The following MSL1 variants were observed in gnomAD, a reference collection of about 807,000 sequenced individuals.
The protein encoded by MSL1 is MSL complex subunit 1, also known as male-specific lethal 1 homolog.
In MSL1, 21 loss-of-function variants were observed where a neutral mutation model predicts 64.6. That is an observed-to-expected ratio of 0.33 (90% CI 0.23 to 0.47). The LOEUF (loss-of-function observed/expected upper bound fraction) is 0.47. Ranked by LOEUF, MSL1 falls within the 20% of genes least tolerant of loss-of-function variation. The pLI, the probability that MSL1 is intolerant of heterozygous loss-of-function variation, is 1.00. For synonymous variants in MSL1, 339 were observed against 329.6 expected, an observed-to-expected ratio of 1.03 and a Z score of -0.31; for missense variants, 664 against 793.2, an observed-to-expected ratio of 0.84 and a Z score of 1.96.
chr17:40,123,725 C>A (rs1418988610), intron 1 of MSL1, among the ~76,000 whole-genome samples: 2 of 151,996 alleles, frequency 1.3e-5, no homozygotes, highest in African/African-American at 4.8e-5. Context: ...GTGTTGTGTC[C>A]TTATGGAAGG....
At chr17:40,123,770 G>A (rs1333578583) in intron 1 of MSL1, among the ~76,000 whole-genome samples, 1 of 152,214 alleles carries the variant, frequency 6.6e-6, no homozygotes, top group Non-Finnish European at 1.5e-5. Context: ...AGAAATGCAC[G>A]GTGGAGGAGA....
At chr17:40,129,159 C>G (rs1396154482) in intron 2 of MSL1, 86 bp from the exon 3 acceptor site, 2 of 1,190,534 alleles carry the variant, frequency 1.7e-6, no homozygotes, top group African/African-American at 3.1e-5. Flanking sequence ...AAAGAACCAG[C>G]TTATTCTTTT....
chr17:40,123,593 G>T (rs1358672143), intron 1 of MSL1, among the ~76,000 whole-genome samples: 3 of 152,070 alleles, frequency 2.0e-5, no homozygotes, highest in African/African-American at 4.8e-5. Flanking sequence ...CTCAGGGGGA[G>T]GGGGAGGGGT....
At chr17:40,125,617 C>T (rs963080523) in intron 1 of MSL1, among the ~76,000 whole-genome samples, 1 of 152,124 alleles carries the variant, frequency 6.6e-6, no homozygotes, top group African/African-American at 2.4e-5. Context: ...TAGAGACCAT[C>T]CTGGCCAACA....
chr17:40,126,911 T>A (rs963134170), intron 2 of MSL1: 5 of 155,306 alleles, frequency 3.2e-5, no homozygotes, highest in African/African-American at 1.2e-4. Context: ...GTAATAATTA[T>A]TGAATGCAGC....
Position 40,129,443 on chromosome 17 carries a change from A to T in MSL1, c.1191A>T (p.Pro397=). Residue 397 remains proline, a synonymous_variant, in exon 3 of 9, where the codon CCA becomes CCT. Coordinates refer to ENST00000398532, the MANE Select transcript of MSL1 (RefSeq NM_001365919.1). ...AGCCCCGGTCTTCAGTGGACACCCC[A>T]CCAAGACTCTCCACTCCCCAAAAGG... ...PEKPRSSVDT[P]PRLSTPQKGP... is the part of the protein sequence containing the mutation. 1.2e-6 allele frequency: 2 copies of T among 1,613,656 alleles called. No homozygotes were observed. Among genetic ancestry groups the T allele is most frequent in the Non-Finnish European group, 1.7e-6 (2 of 1,179,812 alleles).
chr17:40,125,213 C>T (rs1399477674), intron 1 of MSL1, among the ~76,000 whole-genome samples: 1 of 152,078 alleles, frequency 6.6e-6, no homozygotes, highest in Non-Finnish European at 1.5e-5. Flanking sequence ...ACTAAAGGAA[C>T]TTTGATTTTA....
chr17:40,124,393 C>T (rs1438755838), intron 1 of MSL1, among the ~76,000 whole-genome samples: 1 of 151,980 alleles, frequency 6.6e-6, no homozygotes. Flanking sequence ...CTCCCTCCCT[C>T]CCCGCCGTCC....
rs746584610 is a variant in MSL1, at chr17:40,132,022, CTT to C, written c.1424-5_1424-4del. On this transcript the variant is annotated splice_polypyrimidine_tract_variant and intron_variant, in intron 4 of 8. Transcript: ENST00000398532. ...CCCTCCTCCCTTTCTTTTTCTCTCT[CTT>C]TTTTTTCAGTTCCTTCTTGGAGGGA... The C allele has an allele frequency of 7.2e-5, 113 of 1,572,154 alleles. No homozygotes were observed. The highest frequency in any genetic ancestry group is 2.0e-4 in the Admixed American group (11 of 54,484).
chr17:40,131,912 T>TCACTTGGTA lies in MSL1; in HGVS notation c.1424-121_1424-113dup. On this transcript the variant is annotated intron_variant, in intron 4 of 8. Transcript: ENST00000398532. This position sits in a 1 kb window ranked among gnomAD's most constrained non-coding sequence, Gnocchi z 4.5. ...AGGGAGGCCATAGAATGGATTCCTA[T>TCACTTGGTA]CACTTGGTAACTTTGTCTCTTCTGG... 1.4e-6 allele frequency: 1 copy of TCACTTGGTA among 713,542 alleles called. No individual in the cohort carries two copies. Among genetic ancestry groups the TCACTTGGTA allele is most frequent in the Non-Finnish European group, 2.4e-6 (1 of 422,168 alleles). The allele number at this position is 713,542 out of a possible 1,614,324, so 44.2% of individuals were successfully genotyped here.
At position 40,127,320 on chromosome 17, in the gene MSL1, G is replaced by A. The variant is rs529797681; in HGVS notation, c.992+914G>A. Among the ~76,000 whole-genome samples the A allele has an allele frequency of 3.4e-5, 5 of 145,902 alleles. No homozygotes were observed. The East Asian group carries it at 1.0e-3, about 29-fold the overall frequency. On this transcript the variant is annotated intron_variant, in intron 2 of 8. Coordinates refer to ENST00000398532, the MANE Select transcript of MSL1 (RefSeq NM_001365919.1). The stretch of plus-strand genomic sequence containing the variant: ...ACTGCACTCCAGCCTGGGTGACGGA[G>A]TGATACCCTGTCTCAATTGAAAAAA...
chr17:40,126,974 T>C (rs950457283), intron 2 of MSL1: 3 of 153,074 alleles, frequency 2.0e-5, no homozygotes, highest in African/African-American at 7.2e-5. Context: ...TTCTTAAAAC[T>C]ATAGCAGTTC....
rs146286484 is a variant in MSL1, at chr17:40,136,021, A to G, written c.*1652A>G. The G allele has an allele frequency of 9.8e-5, 15 of 152,352 alleles. No homozygotes were observed. The East Asian group carries it at 2.8e-3, about 29-fold the overall frequency. The allele number at this position is 152,352 out of a possible 1,614,324, so 9.4% of individuals were successfully genotyped here. A position where few individuals can be genotyped will look rare whatever the true frequency, so the allele number is the denominator to read the frequency against. On this transcript the variant is annotated 3_prime_UTR_variant, in exon 9 of 9. Transcript: ENST00000398532. The stretch of plus-strand genomic sequence containing the variant: ...CACCTTAAGGAGGAGATTTCTAGAA[A>G]AACTGGGCCAGATTTTCTTTGTTCT...
intron 1 of MSL1, among the ~76,000 whole-genome samples, chr17:40,123,943 G>A (rs937935233): frequency 3.3e-5 from 5 of 152,156 alleles, no homozygotes; most frequent in Non-Finnish European, 5.9e-5. Flanking sequence ...ATTTCAGACA[G>A]CTTTTAATAG....
chr17:40,123,611 G>T (rs1301864068), intron 1 of MSL1, among the ~76,000 whole-genome samples: 1 of 152,112 alleles, frequency 6.6e-6, no homozygotes, highest in East Asian at 1.9e-4. Context: ...GGTTTCAGGT[G>T]CCAAAGGGTT....
rs1424096032 is a variant in MSL1 at position 40,133,852 on chromosome 17, C to A, written c.1707C>A (p.Phe569Leu). 3 of 1,613,870 alleles carry A rather than the reference C, an allele frequency of 1.9e-6. No homozygotes were observed. In the Admixed American group the frequency reaches 5.0e-5, roughly 27 times the overall value. ...TTGAAAGTTTGATGATTACCCCCTT[C>A]TTGCCTGTTGTAGCATTTGGACGAC... is the stretch of plus-strand genomic sequence containing the variant. ...DDVESLMITP[F>L]LPVVAFGRPL... Residue 569 changes from phenylalanine to leucine, a missense_variant, in exon 8 of 9, where the codon TTC becomes TTA. By Grantham distance (22) the Phe-to-Leu change is conservative. Coordinates refer to ENST00000398532, the MANE Select transcript of MSL1 (RefSeq NM_001365919.1).
chr17:40,133,174 A>T, intron 6 of MSL1, 65 bp downstream of exon 6: 1 of 1,397,700 alleles, frequency 7.2e-7, no homozygotes, highest in Non-Finnish European at 9.9e-7. Context: ...AGTATCAGGG[A>T]ACCTGACCTC....
At position 40,126,412 on chromosome 17, in the gene MSL1, CTGA is replaced by C; in HGVS notation, c.992+8_992+10del. ...AGTGGAAAGGGACATAAAAGGTGTGCTGATAACTTTGTTTGATGAGGACCCTTG... is the reference window on the plus strand; with the variant it reads ...AGTGGAAAGGGACATAAAAGGTGTGCTAACTTTGTTTGATGAGGACCCTTG... On this transcript the variant is annotated splice_region_variant and intron_variant, in intron 2 of 8. Transcript: ENST00000398532. 1 of 1,612,414 alleles carries C rather than the reference CTGA, an allele frequency of 6.2e-7. No homozygotes were observed.
chr17:40,122,912 G>C lies in MSL1; in HGVS notation c.300G>C (p.Val100=). ...GQQEESWGGS[V]PLPCPPPATK... is the part of the protein sequence containing the mutation. The stretch of plus-strand genomic sequence containing the variant: ...AGGAAGAGAGCTGGGGCGGTTCGGT[G>C]CCCTTGCCCTGTCCGCCCCCGGCCA... Residue 100 remains valine (V), a synonymous_variant, in exon 1 of 9, where the codon GTG becomes GTC. Transcript: ENST00000398532. This position sits in a 1 kb window ranked among gnomAD's most constrained non-coding sequence, Gnocchi z 4.2. 1 of 1,495,338 alleles carries C rather than the reference G, an allele frequency of 6.7e-7. No individual in the cohort carries two copies. Among genetic ancestry groups the C allele is most frequent in the Non-Finnish European group, 8.8e-7 (1 of 1,130,388 alleles). The allele number at this position is 1,495,338 out of a possible 1,614,324, so 92.6% of individuals were successfully genotyped here.
Sources: gnomAD v4.1 joint callset for allele counts (sites outside exome capture counted in the v4.1 genomes callset) on GRCh38, gnomAD v4.1.1 for gene constraint, Gnocchi (gnomAD v3.1) non-coding constraint, MANE v1.5 for transcripts, NCBI Gene and HGNC (gene_info 2026-07-23, HGNC 2026-07-21) for gene names.